PIP4K2A: variants seen among roughly 807,000 people sequenced by gnomAD.
The protein encoded by PIP4K2A is phosphatidylinositol 5-phosphate 4-kinase type-2 alpha.
Under a neutral mutation model 42.9 loss-of-function variants are expected in PIP4K2A, and 14 were observed. That is an observed-to-expected ratio of 0.33 (90% CI 0.22 to 0.51). The LOEUF is 0.51. PIP4K2A is among the 20% of genes least tolerant of loss of function. The pLI is 0.97. For synonymous variants in PIP4K2A, 192 were observed against 192.2 expected (o/e 1.00, Z 0.01); for missense variants, 434 against 519.8 (o/e 0.83, Z 1.61).
intron 1 of PIP4K2A, among the ~76,000 whole-genome samples, chr10:22,705,791 G>A (rs757935206): frequency 9.2e-5 from 14 of 151,942 alleles, no homozygotes; most frequent in East Asian, 1.9e-4. Context: ...GGTTTTGCCC[G>A]CTGTCGGACC....
At chr10:22,621,169 T>A (rs1205616589) in intron 1 of PIP4K2A, among the ~76,000 whole-genome samples, 3 of 152,184 alleles carry the variant, frequency 2.0e-5, no homozygotes, top group Non-Finnish European at 2.9e-5. Context: ...CATTTGAATC[T>A]CTGGACCTGG....
intron 1 of PIP4K2A, among the ~76,000 whole-genome samples, chr10:22,675,872 G>T (rs1370927931): frequency 6.6e-6 from 1 of 152,064 alleles, no homozygotes; most frequent in Non-Finnish European, 1.5e-5. Flanking sequence ...TTCCCGACTT[G>T]GAAGAAGGAA....
chr10:22,558,573 T>C (rs903731111), intron 6 of PIP4K2A, among the ~76,000 whole-genome samples: 2 of 152,158 alleles, frequency 1.3e-5, no homozygotes, highest in African/African-American at 4.8e-5. Flanking sequence ...AAGGGTGGTT[T>C]TGCACAAATA....
intron 1 of PIP4K2A, among the ~76,000 whole-genome samples, chr10:22,623,423 G>A (rs1336236947): frequency 6.6e-6 from 1 of 152,186 alleles, no homozygotes; most frequent in Non-Finnish European, 1.5e-5. Context: ...GGTCGCAAGG[G>A]TCTTCCACAA....
At chr10:22,631,115 T>C (rs948274507) in intron 1 of PIP4K2A, among the ~76,000 whole-genome samples, 5 of 152,192 alleles carry the variant, frequency 3.3e-5, no homozygotes, top group African/African-American at 9.7e-5. Flanking sequence ...TTACTTTGTA[T>C]TGATGGTCAA....
rs1463537564 is a variant in PIP4K2A, at chr10:22,559,225, T to G, written c.679-8453A>C. Among the ~76,000 whole-genome samples the G allele has an allele frequency of 2.6e-5, 4 of 152,368 alleles. No homozygotes were observed. The East Asian group carries it at 7.7e-4, about 29-fold the overall frequency. ...ATTATTTAATTAAGAATTACACATCTGTAGCAGCTTGGTTTAAATTCAGAC... is the reference window on the plus strand; with the variant it reads ...ATTATTTAATTAAGAATTACACATCGGTAGCAGCTTGGTTTAAATTCAGAC... On this transcript the variant is annotated intron_variant, in intron 6 of 9. Coordinates refer to ENST00000376573, the MANE Select transcript of PIP4K2A (RefSeq NM_005028.5).
chr10:22,674,184 C>A (rs1839509854), intron 1 of PIP4K2A, among the ~76,000 whole-genome samples: 1 of 152,164 alleles, frequency 6.6e-6, no homozygotes, highest in African/African-American at 2.4e-5. Flanking sequence ...TCATCTTGGA[C>A]TTCCAGCAAC....
chr10:22,614,010 GACA>G (rs1184297003), intron 1 of PIP4K2A, among the ~76,000 whole-genome samples: 1 of 152,242 alleles, frequency 6.6e-6, no homozygotes, highest in Non-Finnish European at 1.5e-5. Flanking sequence ...GCTGAAGCCA[GACA>G]ACAAGTGCCA....
intron 1 of PIP4K2A, among the ~76,000 whole-genome samples, chr10:22,670,017 T>C (rs12777718): frequency 2.6e-5 from 4 of 152,164 alleles, no homozygotes; most frequent in Non-Finnish European, 5.9e-5. Flanking sequence ...TTGTGTTTCT[T>C]AGTGCTTCCA....
chr10:22,581,149 TTTTC>T (rs56333866), intron 4 of PIP4K2A, among the ~76,000 whole-genome samples: 148,116 of 152,182 alleles, frequency 0.97, 72,107 homozygotes, highest in East Asian at 1. Context: ...TGAGTAGGGC[TTTTC>T]TTTCCCCTGA....
At chr10:22,595,889 T>C (rs1023243681) in intron 3 of PIP4K2A, among the ~76,000 whole-genome samples, 6 of 152,076 alleles carry the variant, frequency 3.9e-5, no homozygotes, top group African/African-American at 1.2e-4. Flanking sequence ...GACCTCTACC[T>C]TGGATCTTTT....
At chr10:22,638,802 C>T (rs1040448540) in intron 1 of PIP4K2A, among the ~76,000 whole-genome samples, 2 of 152,132 alleles carry the variant, frequency 1.3e-5, no homozygotes, top group African/African-American at 4.8e-5. Context: ...ATCATGGTGC[C>T]TTAGAATATT....
chr10:22,640,088 AAC>A (rs1838749233), intron 1 of PIP4K2A, among the ~76,000 whole-genome samples: 2 of 150,224 alleles, frequency 1.3e-5, no homozygotes, highest in Non-Finnish European at 3.0e-5. Context: ...GCAAAGGATT[AAC>A]AGTGCTTTGA....
chr10:22,544,516 A>G (rs1203137116), intron 7 of PIP4K2A, among the ~76,000 whole-genome samples: 1 of 152,102 alleles, frequency 6.6e-6, no homozygotes, highest in Admixed American at 6.5e-5. Context: ...GCCTCTCTGG[A>G]GCCAGGCCAG....
chr10:22,561,199 T>A lies in PIP4K2A; in HGVS notation c.678+6652A>T, dbSNP rs973858731. Among the ~76,000 whole-genome samples the A allele has an allele frequency of 1.1e-4, 16 of 152,194 alleles. 1 individual carries two copies. Among genetic ancestry groups the A allele is most frequent in the African/African-American group, 3.6e-4 (15 of 41,444 alleles). Reference sequence around the variant, plus strand: ...CATAGCAGCTGTCAGAATTTGACAATGGTTATTTTTTTTTAAAGCACTGTT... The same window carrying A: ...CATAGCAGCTGTCAGAATTTGACAAAGGTTATTTTTTTTTAAAGCACTGTT... On this transcript the variant is annotated intron_variant, in intron 6 of 9. Transcript: ENST00000376573.
At chr10:22,681,434 G>C (rs891575082) in intron 1 of PIP4K2A, among the ~76,000 whole-genome samples, 4 of 152,200 alleles carry the variant, frequency 2.6e-5, no homozygotes, top group South Asian at 2.1e-4. Flanking sequence ...ATCACCTTGA[G>C]AGGCCCAGGC....
chr10:22,581,869 T>TG (rs1707317563), intron 4 of PIP4K2A, among the ~76,000 whole-genome samples: 1 of 152,166 alleles, frequency 6.6e-6, no homozygotes, highest in African/African-American at 2.4e-5. Context: ...ATCCCAGCAC[T>TG]GGGAGGTTGA....
chr10:22,635,676 G>A (rs544860564), intron 1 of PIP4K2A, among the ~76,000 whole-genome samples: 10 of 152,292 alleles, frequency 6.6e-5, no homozygotes, highest in African/African-American at 9.6e-5. Context: ...TGTGGGCAGC[G>A]AGGAAGCATG....
At chr10:22,696,053 A>C (rs1226287315) in intron 1 of PIP4K2A, among the ~76,000 whole-genome samples, 1 of 152,186 alleles carries the variant, frequency 6.6e-6, no homozygotes, top group Non-Finnish European at 1.5e-5. Context: ...GAAAGCAAAA[A>C]ATCATCTGTA....
Sources: allele counts gnomAD v4.1 joint callset (sites outside exome capture counted in the v4.1 genomes callset), GRCh38; gene constraint gnomAD v4.1.1; transcripts MANE v1.5; gene names NCBI Gene and HGNC (gene_info 2026-07-23, HGNC 2026-07-21).